The following HS6ST1 variants were observed in gnomAD, a reference collection of about 807,000 sequenced individuals.
HS6ST1 encodes the protein heparan-sulfate 6-O-sulfotransferase 1.
Under a neutral mutation model 25.2 loss-of-function variants are expected in HS6ST1, and 3 were observed. That is an observed-to-expected ratio of 0.12 (90% CI 0.05 to 0.31). The LOEUF is 0.31. HS6ST1 is among the 10% of genes least tolerant of loss of function. The probability of loss-of-function intolerance (pLI) is 1.00; values close to 1 mark genes in which losing one functional copy is unlikely to be tolerated. For missense variants in HS6ST1, 310 were observed against 609.6 expected (o/e 0.51, Z 5.18); for synonymous variants, 204 against 275.1 (o/e 0.74, Z 2.56).
rs1693564517 is a variant in HS6ST1, at chr2:128,268,663, C to T, written c.735G>A (p.Leu245=). The change falls in exon 2 of 2, where the codon CTG becomes CTA. Residue 245 remains leucine, a synonymous_variant. Transcript: ENST00000259241. ...GCATGCGCACCTGGCGGTTGTTGGC[C>T]AGGTTGTACGGGCAGTCCATGAACT... is the stretch of plus-strand genomic sequence containing the variant. ...LQEFMDCPYN[L]ANNRQVRMLA... is the part of the protein sequence containing the mutation. 4 of 1,611,274 alleles carry T rather than the reference C, an allele frequency of 2.5e-6. No homozygotes were observed. The highest frequency in any genetic ancestry group is 3.4e-6 in the Non-Finnish European group (4 of 1,179,622).
intron 1 of HS6ST1, among the ~76,000 whole-genome samples, chr2:128,295,757 G>GA (rs1270861762): frequency 6.6e-6 from 1 of 151,968 alleles, no homozygotes; most frequent in Admixed American, 6.5e-5. Flanking sequence ...CAGAATGAAG[G>GA]AAAAAAACAC....
At chr2:128,278,247 C>A (rs768282413) in intron 1 of HS6ST1, among the ~76,000 whole-genome samples, 2 of 152,386 alleles carry the variant, frequency 1.3e-5, no homozygotes, top group East Asian at 1.9e-4. Flanking sequence ...TGGCTGCAGG[C>A]GGCTTCATTT....
At chr2:128,296,787 C>T (rs1263482125) in intron 1 of HS6ST1, among the ~76,000 whole-genome samples, 1 of 152,214 alleles carries the variant, frequency 6.6e-6, no homozygotes, top group Non-Finnish European at 1.5e-5. Context: ...GATGTAAATA[C>T]TACTCATGTA....
At chr2:128,280,307 C>A (rs145560258) in intron 1 of HS6ST1, among the ~76,000 whole-genome samples, 1 of 152,340 alleles carries the variant, frequency 6.6e-6, no homozygotes, top group Non-Finnish European at 1.5e-5. Flanking sequence ...AGCCCTCAGG[C>A]GCAGCTCTCC....
intron 1 of HS6ST1, 144 bp from the exon 2 acceptor site, chr2:128,269,014 T>A: frequency 1.4e-6 from 1 of 704,778 alleles, no homozygotes; most frequent in East Asian, 2.7e-5. Flanking sequence ...CTCTCAGTCG[T>A]TTCAAAACCC....
chr2:128,280,202 G>A (rs1331127341), intron 1 of HS6ST1, among the ~76,000 whole-genome samples: 1 of 152,250 alleles, frequency 6.6e-6, no homozygotes, highest in East Asian at 1.9e-4. Context: ...AAAAGTGGAA[G>A]TCTGATTTTG....
chr2:128,311,817 C>G (rs533027760), intron 1 of HS6ST1, among the ~76,000 whole-genome samples: 3 of 152,310 alleles, frequency 2.0e-5, no homozygotes, highest in African/African-American at 4.8e-5. Flanking sequence ...GCTGATCCTC[C>G]CTGGGCCGGT....
intron 1 of HS6ST1, among the ~76,000 whole-genome samples, chr2:128,309,301 A>G (rs1393193837): frequency 1.3e-5 from 2 of 152,264 alleles, no homozygotes; most frequent in Non-Finnish European, 2.9e-5. Flanking sequence ...GTGGGAAAAG[A>G]AAATGAGGTT....
intron 1 of HS6ST1, among the ~76,000 whole-genome samples, chr2:128,308,313 T>C (rs138808855): frequency 4.6e-5 from 7 of 152,230 alleles, no homozygotes; most frequent in South Asian, 4.1e-4. Context: ...GTTACACCCC[T>C]GGAGATACCA....
Position 128,267,680 on chromosome 2 carries a change from G to C in HS6ST1, c.*482C>G, listed in dbSNP as rs1215297715. 1 of 180,764 alleles carries C rather than the reference G, an allele frequency of 5.5e-6. No homozygotes were observed. The highest frequency in any genetic ancestry group is 1.2e-5 in the Non-Finnish European group (1 of 85,794). 11.2% of individuals were successfully genotyped at this position (180,764 alleles called of 1,614,324 possible). On this transcript the variant is annotated 3_prime_UTR_variant, in exon 2 of 2. Coordinates refer to ENST00000259241, the MANE Select transcript of HS6ST1 (RefSeq NM_004807.3). ...GGGGCATTGGGGGCAGCCAGAAGAG[G>C]AGGGGCTATGGGATGGCCTGGAGCT...
At chr2:128,299,464 G>A (rs1481183406) in intron 1 of HS6ST1, among the ~76,000 whole-genome samples, 1 of 152,208 alleles carries the variant, frequency 6.6e-6, no homozygotes, top group Non-Finnish European at 1.5e-5. Flanking sequence ...CTGAGTGGAT[G>A]GCAGGTCATG....
In HS6ST1 at chr2:128,287,830, C is replaced by G. The variant is rs77917253; in HGVS notation, c.528-18960G>C. Among the ~76,000 whole-genome samples the G allele has an allele frequency of 7.4e-3, 1,129 of 152,372 alleles. 19 individuals carry two copies. The highest frequency in any genetic ancestry group is 0.025 in the African/African-American group (1,029 of 41,588). ...CCTGTGTCCCACTGCCCTTCAGACT[C>G]TCCTGCCTGCTGCTCCAAGGCAGGG... On this transcript the variant is annotated intron_variant, in intron 1 of 1. Coordinates refer to ENST00000259241, the MANE Select transcript of HS6ST1 (RefSeq NM_004807.3).
At chr2:128,276,616 C>A (rs1360549097) in intron 1 of HS6ST1, among the ~76,000 whole-genome samples, 3 of 152,126 alleles carry the variant, frequency 2.0e-5, no homozygotes, top group Non-Finnish European at 4.4e-5. Context: ...GTACATTATG[C>A]AAGTTCTTTT....
intron 1 of HS6ST1, among the ~76,000 whole-genome samples, chr2:128,299,837 G>A (rs1454510548): frequency 2.0e-5 from 3 of 152,188 alleles, no homozygotes; most frequent in Non-Finnish European, 2.9e-5. Flanking sequence ...GGAGGCTGGG[G>A]GTGCTGGCGA....
chr2:128,308,139 TA>T (rs1369563068), intron 1 of HS6ST1, among the ~76,000 whole-genome samples: 1 of 152,118 alleles, frequency 6.6e-6, no homozygotes, highest in Non-Finnish European at 1.5e-5. Context: ...AGCGAAAGCA[TA>T]AACACAAGGG....
At chr2:128,312,458 A>C (rs570472062) in intron 1 of HS6ST1, among the ~76,000 whole-genome samples, 7 of 152,294 alleles carry the variant, frequency 4.6e-5, no homozygotes, top group African/African-American at 1.7e-4. Context: ...GCCTCTCTAC[A>C]TGCCCCCATG....
chr2:128,288,729 T>C (rs1362670657), intron 1 of HS6ST1, among the ~76,000 whole-genome samples: 2 of 151,770 alleles, frequency 1.3e-5, no homozygotes, highest in African/African-American at 4.8e-5. Flanking sequence ...TCACAGGAGG[T>C]AGGAGAGTCA....
intron 1 of HS6ST1, among the ~76,000 whole-genome samples, chr2:128,289,021 A>G (rs1026422655): frequency 6.6e-6 from 1 of 152,212 alleles, no homozygotes; most frequent in East Asian, 1.9e-4. Flanking sequence ...CCCCGAGTCC[A>G]TATAAACACA....
chr2:128,290,888 G>A (rs184086103), intron 1 of HS6ST1, among the ~76,000 whole-genome samples: 23 of 151,228 alleles, frequency 1.5e-4, no homozygotes, highest in East Asian at 5.8e-4. Flanking sequence ...AGGCTGAGGC[G>A]TAAGAATCAC....
Sources: allele counts gnomAD v4.1 joint callset (sites outside exome capture counted in the v4.1 genomes callset), GRCh38; gene constraint gnomAD v4.1.1; transcripts MANE v1.5; gene names NCBI Gene and HGNC (gene_info 2026-07-23, HGNC 2026-07-21).